Variants in PC observed in about 807,000 individuals in gnomAD.
PC encodes pyruvate carboxylase, also known as pyruvate carboxylase, mitochondrial.
In PC, 46 loss-of-function variants were observed where a neutral mutation model predicts 107.8. The ratio of observed to expected loss-of-function variants is 0.43; its 90% CI spans 0.34 to 0.55. The LOEUF is 0.55. Ranked by LOEUF, PC falls within the 20% of genes least tolerant of loss-of-function variation. The pLI, the probability that PC is intolerant of heterozygous loss-of-function variation, is 0.04. For missense variants in PC, 1,241 were observed against 1,643.1 expected, an observed-to-expected ratio of 0.76 and a Z score of 4.23; for synonymous variants, 662 against 684.7, an observed-to-expected ratio of 0.97 and a Z score of 0.52.
rs755635285 is a variant in PC, at chr11:66,848,967, C to G, written c.3469G>C (p.Val1157Leu). The change falls in exon 23 of 23, where the codon GTC (valine) becomes CTC (leucine). Residue 1157 changes from valine (V) to leucine (L), a missense_variant. By Grantham distance (32) the Val-to-Leu change is conservative. Around this residue, in one of 2 missense-constraint regions of PC, gnomAD observed 98 missense variants for 91.2 expected, o/e 1.07. Transcript: ENST00000393960. ...TCCTTGGTCACATGAACCTTGCGGACAGTACCCTCCATGGGTGAGGTCACC... is the reference window on the plus strand; with the variant it reads ...TCCTTGGTCACATGAACCTTGCGGAGAGTACCCTCCATGGGTGAGGTCACC... The part of the protein sequence containing the change: ...TVVTSPMEGT[V>L]RKVHVTKDMT... 2 of 1,614,082 alleles carry G rather than the reference C, an allele frequency of 1.2e-6. No individual in the cohort carries two copies. Among genetic ancestry groups the G allele is most frequent in the Non-Finnish European group, 1.7e-6 (2 of 1,180,038 alleles).
chr11:66,864,446 G>A (rs1175340591), intron 11 of PC, among the ~76,000 whole-genome samples: 3 of 152,282 alleles, frequency 2.0e-5, no homozygotes, highest in African/African-American at 7.2e-5. Context: ...AAAGGACCAT[G>A]TGCGAGGCAA....
At chr11:66,864,475 G>T (rs1240485803) in intron 11 of PC, among the ~76,000 whole-genome samples, 2 of 152,268 alleles carry the variant, frequency 1.3e-5, no homozygotes, top group Non-Finnish European at 2.9e-5. Flanking sequence ...GCTGACCGGG[G>T]GTTTGTTTTT....
At chr11:66,948,102 A>AC (rs1397268655) in intron 3 of PC, among the ~76,000 whole-genome samples, 1 of 151,726 alleles carries the variant, frequency 6.6e-6, no homozygotes, top group Non-Finnish European at 1.5e-5. Context: ...AGTTCCAGCT[A>AC]CTCAGTGAGA....
chr11:66,936,078 CAAAAA>C (rs11346699), intron 3 of PC, among the ~76,000 whole-genome samples: 1 of 104,906 alleles, frequency 9.5e-6, no homozygotes, highest in Admixed American at 1.1e-4. Context: ...GACCCTGTCT[CAAAAA>C]AAAAAAAAAA....
chr11:66,851,172 T>C lies in PC; in HGVS notation c.2091A>G (p.Gly697=). 6.2e-7 allele frequency: 1 copy of C among 1,611,912 alleles called. No homozygotes were observed. The highest frequency in any genetic ancestry group is 8.5e-7 in the Non-Finnish European group (1 of 1,180,006). The change falls in exon 17 of 23, where the codon GGA becomes GGG. Residue 697 remains glycine, a synonymous_variant. Coordinates refer to ENST00000393960, the MANE Select transcript of PC (RefSeq NM_001040716.2). The stretch of plus-strand genomic sequence containing the variant: ...ATGAGATGGCAGCCTCCACCACGCC[T>C]CCGGCACTTCCTGCCGCCTCCATGC... ...LLGMEAAGSA[G]GVVEAAISYT...
intron 3 of PC, among the ~76,000 whole-genome samples, chr11:66,878,802 G>A (rs1373331568): frequency 6.6e-6 from 1 of 152,206 alleles, no homozygotes; most frequent in African/African-American, 2.4e-5. Context: ...GAAAAGATCA[G>A]GGCTCTTCGG....
rs1259607578 is a variant in PC at position 66,870,985 on chromosome 11, G to A, written c.633+67C>T. On this transcript the variant is annotated intron_variant, in intron 7 of 22. Transcript: ENST00000393960. This position sits in a 1 kb window ranked among gnomAD's most constrained non-coding sequence, Gnocchi z 6.1. The stretch of plus-strand genomic sequence containing the variant: ...CCCACCCACTTTCCAGATCCCTTGA[G>A]TGGTCCGCCCCTGCCCCCACGGCAG... The A allele has an allele frequency of 9.3e-6, 15 of 1,609,984 alleles. 1 individual carries two copies. Among genetic ancestry groups the A allele is most frequent in the South Asian group, 7.7e-5 (7 of 91,026 alleles).
At chr11:66,942,194 C>T (rs377746780) in intron 3 of PC, among the ~76,000 whole-genome samples, 2 of 150,016 alleles carry the variant, frequency 1.3e-5, no homozygotes, top group East Asian at 2.0e-4. Flanking sequence ...GTCAGGAGAT[C>T]GAGACCATCC....
At position 66,937,390 on chromosome 11, in the gene PC, G is replaced by T. The variant is rs568724385; in HGVS notation, c.-1+15040C>A. The stretch of plus-strand genomic sequence containing the variant: ...GAACAAGATAAGTTGCTCATCTCTT[G>T]CTGCTTTCAAGATTCTTTGTCATTT... On this transcript the variant is annotated intron_variant, in intron 3 of 22. Transcript: ENST00000393960. Among the ~76,000 whole-genome samples, 3 of 152,284 alleles carry T rather than the reference G, an allele frequency of 2.0e-5. No individual in the cohort carries two copies. In the South Asian group the frequency reaches 6.2e-4, roughly 32 times the overall value.
At chr11:66,881,343 T>C (rs1304438870) in intron 3 of PC, among the ~76,000 whole-genome samples, 3 of 152,232 alleles carry the variant, frequency 2.0e-5, no homozygotes, top group African/African-American at 7.2e-5. Context: ...AATAACTCCT[T>C]GCAAGCAAGA....
At chr11:66,850,156 C>CA in intron 19 of PC, 40 bp from the exon 20 acceptor site, 2 of 1,613,882 alleles carry the variant, frequency 1.2e-6, no homozygotes, top group South Asian at 2.2e-5. Context: ...CCAGGCACCT[C>CA]AAGGAGGCCA....
intron 3 of PC, among the ~76,000 whole-genome samples, chr11:66,943,414 T>C (rs1458576728): frequency 6.6e-6 from 1 of 152,130 alleles, no homozygotes; most frequent in Non-Finnish European, 1.5e-5. Flanking sequence ...TGCCTTGATC[T>C]TGGACTTCTC....
rs1946663401 is a variant in PC at position 66,870,183 on chromosome 11, C to T, written c.903+119G>A. ...CAGGAGAGTCCTTCACCCTCTTCTC[C>T]CCATCCCCAGTCCCCAGAAGGGGAC... On this transcript the variant is annotated intron_variant, in intron 9 of 22. Transcript: ENST00000393960. The surrounding 1 kb of genome is among the most constrained non-coding windows in gnomAD (Gnocchi z 6.1). 2.4e-6 allele frequency: 3 copies of T among 1,270,920 alleles called. No homozygotes were observed. Among genetic ancestry groups the T allele is most frequent in the South Asian group, 2.4e-5 (2 of 81,702 alleles). 78.7% of individuals were successfully genotyped at this position (1,270,920 alleles called of 1,614,324 possible).
At chr11:66,938,005 C>T (rs533534581) in intron 3 of PC, among the ~76,000 whole-genome samples, 3,326 of 152,020 alleles carry the variant, frequency 0.022, 110 homozygotes, top group African/African-American at 0.074. Flanking sequence ...CTCGATCTCT[C>T]GACCTCGTGA....
At chr11:66,921,464 G>A (rs1032161460) in intron 3 of PC, among the ~76,000 whole-genome samples, 3 of 152,178 alleles carry the variant, frequency 2.0e-5, no homozygotes, top group Non-Finnish European at 4.4e-5. Context: ...AAAATAAAAG[G>A]AAGCCAAAGA....
intron 3 of PC, among the ~76,000 whole-genome samples, chr11:66,910,071 G>A (rs764559818): frequency 5.3e-5 from 8 of 152,132 alleles, no homozygotes; most frequent in East Asian, 1.9e-4. Flanking sequence ...CAATTATGAC[G>A]ACTTTATAGG....
chr11:66,915,831 T>A (rs1422807072), intron 3 of PC, among the ~76,000 whole-genome samples: 1 of 152,200 alleles, frequency 6.6e-6, no homozygotes, highest in East Asian at 1.9e-4. Context: ...CTGGTCCCAA[T>A]CCTCTGAGGC....
chr11:66,895,026 GAA>G (rs11421698), intron 3 of PC, among the ~76,000 whole-genome samples: 3 of 126,744 alleles, frequency 2.4e-5, no homozygotes. Flanking sequence ...TCCGTCTCAG[GAA>G]AAAAAAAAAA....
chr11:66,891,199 G>A (rs1303245854), intron 3 of PC, among the ~76,000 whole-genome samples: 1 of 151,944 alleles, frequency 6.6e-6, no homozygotes. Flanking sequence ...TGGGATTACA[G>A]ATGTGCGCCA....
Sources: allele counts gnomAD v4.1 joint callset (sites outside exome capture counted in the v4.1 genomes callset), GRCh38; gene constraint gnomAD v4.1.1; regional missense constraint gnomAD v4.1.1; non-coding constraint Gnocchi (gnomAD v3.1); transcripts MANE v1.5; gene names NCBI Gene and HGNC (gene_info 2026-07-23, HGNC 2026-07-21).